FGF14: variants seen among roughly 807,000 people sequenced by gnomAD.
FGF14 encodes the protein fibroblast growth factor 14, also known as fibroblast growth factor homologous factor 4.
In FGF14, 5 loss-of-function variants were observed where a neutral mutation model predicts 25.5. That is an observed-to-expected ratio of 0.20 (90% CI 0.10 to 0.41). FGF14 has a LOEUF of 0.41. Ranked by LOEUF, FGF14 falls within the 10% of genes least tolerant of loss-of-function variation. The pLI, the probability that FGF14 is intolerant of heterozygous loss-of-function variation, is 1.00. For missense variants in FGF14, 222 were observed against 320.1 expected (o/e 0.69, Z 2.34); for synonymous variants, 138 against 118.3 (o/e 1.17, Z -1.08).
intron 1 of FGF14, among the ~76,000 whole-genome samples, chr13:102,020,341 G>A (rs1319553290): frequency 6.6e-6 from 1 of 152,124 alleles, no homozygotes; most frequent in Non-Finnish European, 1.5e-5. Context: ...CTAAGGTCAG[G>A]AGTTTGAGAC....
chr13:102,309,355 C>T (rs749411702), intron 1 of FGF14, among the ~76,000 whole-genome samples: 1 of 152,164 alleles, frequency 6.6e-6, no homozygotes, highest in Non-Finnish European at 1.5e-5. Flanking sequence ...AAGCCCCATG[C>T]TTTCATCAGC....
chr13:102,320,212 A>G (rs1161830366), intron 1 of FGF14, among the ~76,000 whole-genome samples: 1 of 151,910 alleles, frequency 6.6e-6, no homozygotes, highest in East Asian at 1.9e-4. Flanking sequence ...TCTATCACCC[A>G]AAGTATGAGC....
At chr13:101,734,807 A>G (rs2036063897) in intron 3 of FGF14, among the ~76,000 whole-genome samples, 2 of 152,210 alleles carry the variant, frequency 1.3e-5, no homozygotes, top group Admixed American at 6.5e-5. Context: ...AGGTTGAAGT[A>G]ACTTGCCCGA....
At chr13:102,342,556 T>C (rs1157547919) in intron 1 of FGF14, among the ~76,000 whole-genome samples, 1 of 152,184 alleles carries the variant, frequency 6.6e-6, no homozygotes, top group African/African-American at 2.4e-5. Context: ...ACTAATTCTA[T>C]TACTACATAT....
chr13:102,145,588 C>T (rs1296642073), intron 1 of FGF14, among the ~76,000 whole-genome samples: 1 of 152,160 alleles, frequency 6.6e-6, no homozygotes, highest in Non-Finnish European at 1.5e-5. Context: ...TAAATATGCA[C>T]TTTCCTTCAG....
intron 1 of FGF14, among the ~76,000 whole-genome samples, chr13:102,132,902 G>A (rs1046360451): frequency 2.6e-5 from 4 of 152,114 alleles, no homozygotes; most frequent in African/African-American, 4.8e-5. Flanking sequence ...AACAGTGAGC[G>A]GAGTTGTTAA....
intron 3 of FGF14, among the ~76,000 whole-genome samples, chr13:101,765,718 T>TTATTATTTTATTTATTTATTTATTTA (rs1555377152): frequency 5.6e-5 from 8 of 143,320 alleles, no homozygotes; most frequent in African/African-American, 2.2e-4. Flanking sequence ...ATTATTATTA[T>TTATTATTTTATTTATTTATTTATTTA]TTTATTTATT....
intron 1 of FGF14, among the ~76,000 whole-genome samples, chr13:101,913,385 T>C (rs1480197953): frequency 6.6e-6 from 1 of 152,146 alleles, no homozygotes; most frequent in Non-Finnish European, 1.5e-5. Flanking sequence ...GTAAGTCAAC[T>C]GGTATAAACA....
intron 1 of FGF14, among the ~76,000 whole-genome samples, chr13:102,323,243 G>A (rs761194353): frequency 2.6e-5 from 4 of 152,164 alleles, no homozygotes; most frequent in Non-Finnish European, 5.9e-5. Flanking sequence ...GACCTTTTAA[G>A]CTGCATTAGT....
At chr13:101,820,177 T>C (rs2042042828) in intron 3 of FGF14, among the ~76,000 whole-genome samples, 1 of 152,180 alleles carries the variant, frequency 6.6e-6, no homozygotes, top group African/African-American at 2.4e-5. Flanking sequence ...AACCAAATGT[T>C]TCTGATGTTT....
intron 1 of FGF14, among the ~76,000 whole-genome samples, chr13:102,101,707 CTT>C: frequency 6.8e-6 from 1 of 147,776 alleles, no homozygotes; most frequent in African/African-American, 2.5e-5. Context: ...TTCCCCCCAA[CTT>C]TTTTTTTTTC....
intron 3 of FGF14, among the ~76,000 whole-genome samples, chr13:101,749,004 C>G (rs2037085105): frequency 6.6e-6 from 1 of 152,002 alleles, no homozygotes; most frequent in African/African-American, 2.4e-5. Flanking sequence ...AATTCTGATA[C>G]ATGTTACATG....
At chr13:102,054,160 G>A (rs1261299116) in intron 1 of FGF14, among the ~76,000 whole-genome samples, 2 of 152,184 alleles carry the variant, frequency 1.3e-5, no homozygotes, top group Admixed American at 1.3e-4. Context: ...ACTGATGTGA[G>A]AGAATACTGA....
At chr13:102,088,344 CAGAG>C (rs2044019270) in intron 1 of FGF14, among the ~76,000 whole-genome samples, 1 of 152,090 alleles carries the variant, frequency 6.6e-6, no homozygotes, top group African/African-American at 2.4e-5. Context: ...CTGTGCTAAG[CAGAG>C]AGAATTACTT....
chr13:101,801,987 A>G (rs1046834743), intron 3 of FGF14: 55 of 468,038 alleles, frequency 1.2e-4, no homozygotes, highest in Non-Finnish European at 4.2e-5. Flanking sequence ...GTCCCTGTCA[A>G]TTTAGCAGAA....
chr13:101,954,875 T>A (rs1284598571), intron 1 of FGF14, among the ~76,000 whole-genome samples: 1 of 152,244 alleles, frequency 6.6e-6, no homozygotes, highest in Non-Finnish European at 1.5e-5. Flanking sequence ...CTAACAGATT[T>A]AGCCTGGAGG....
At chr13:102,223,364 G>A (rs900656974) in intron 1 of FGF14, among the ~76,000 whole-genome samples, 1 of 152,080 alleles carries the variant, frequency 6.6e-6, no homozygotes, top group African/African-American at 2.4e-5. Flanking sequence ...GATCCAAAAG[G>A]CACCAAAATT....
intron 1 of FGF14, among the ~76,000 whole-genome samples, chr13:102,173,594 G>T (rs867219318): frequency 6.6e-6 from 1 of 152,084 alleles, no homozygotes; most frequent in East Asian, 1.9e-4. Context: ...CCATCAACGG[G>T]TGAATAAAGA....
chr13:102,117,918 G>A (rs1210318309), intron 1 of FGF14, among the ~76,000 whole-genome samples: 6 of 152,044 alleles, frequency 3.9e-5, no homozygotes, highest in Non-Finnish European at 7.4e-5. Context: ...GAGAGGCTAG[G>A]GAAAGAAATA....
Sources: allele counts gnomAD v4.1 joint callset (sites outside exome capture counted in the v4.1 genomes callset), GRCh38; gene constraint gnomAD v4.1.1; transcripts MANE v1.5; gene names NCBI Gene and HGNC (gene_info 2026-07-23, HGNC 2026-07-21).